Variants in PDE4D observed in about 807,000 individuals in gnomAD.
PDE4D encodes the protein 3',5'-cyclic-AMP phosphodiesterase 4D.
In PDE4D, 24 loss-of-function variants were observed where a neutral mutation model predicts 87.4. That is an observed-to-expected ratio of 0.27 (90% CI 0.20 to 0.39). The LOEUF is 0.39. Among genes scored for constraint, PDE4D ranks in the 10% least tolerant of loss-of-function variants. The pLI is 1.00. For missense variants in PDE4D, 714 were observed against 1,041.0 expected, an observed-to-expected ratio of 0.69 and a Z score of 4.32; for synonymous variants, 384 against 383.2, an observed-to-expected ratio of 1.00 and a Z score of -0.02.
chr5:59,341,022 T>A (rs181263543), intron 1 of PDE4D, among the ~76,000 whole-genome samples: 50 of 152,352 alleles, frequency 3.3e-4, no homozygotes, highest in African/African-American at 1.2e-3. Context: ...CATGTAATCA[T>A]TATGAAAATT....
chr5:59,222,961 C>A (rs1000398280), intron 1 of PDE4D, among the ~76,000 whole-genome samples: 1 of 152,088 alleles, frequency 6.6e-6, no homozygotes. Flanking sequence ...TCTTTTTCTC[C>A]CAGGGAGATC....
At chr5:60,108,685 G>T (rs942734025) in intron 2 of PDE4D, among the ~76,000 whole-genome samples, 1 of 152,046 alleles carries the variant, frequency 6.6e-6, no homozygotes, top group African/African-American at 2.4e-5. Flanking sequence ...GAACAGAACA[G>T]AGCCCTCAGA....
intron 2 of PDE4D, chr5:59,193,811 T>G: frequency 2.0e-6 from 2 of 984,948 alleles, no homozygotes; most frequent in Non-Finnish European, 2.4e-6. Context: ...TATGCAATAG[T>G]AGAAATGGTG....
intron 1 of PDE4D, among the ~76,000 whole-genome samples, chr5:59,266,535 AAG>A (rs1762888624): frequency 6.6e-6 from 1 of 151,916 alleles, no homozygotes; most frequent in Non-Finnish European, 1.5e-5. Flanking sequence ...TGACCAGAGG[AAG>A]AGAGTCAATA....
intron 1 of PDE4D, among the ~76,000 whole-genome samples, chr5:60,294,376 TG>T (rs1448099978): frequency 6.6e-6 from 1 of 152,206 alleles, no homozygotes; most frequent in African/African-American, 2.4e-5. Flanking sequence ...GTCCTGTTAG[TG>T]GCTCTCTTAC....
chr5:59,135,331 A>C (rs1776885964), intron 5 of PDE4D, among the ~76,000 whole-genome samples: 1 of 152,204 alleles, frequency 6.6e-6, no homozygotes, highest in Non-Finnish European at 1.5e-5. Context: ...GTAGTAGCAA[A>C]AGCTGTTTTC....
chr5:58,996,468 C>T (rs1749252436), intron 6 of PDE4D, among the ~76,000 whole-genome samples: 1 of 152,084 alleles, frequency 6.6e-6, no homozygotes, highest in Admixed American at 6.6e-5. Flanking sequence ...CTGGTCATGA[C>T]AAAGTCTTTT....
rs781165266 is a variant in PDE4D at position 60,431,084 on chromosome 5, G to A, written c.-90+56858C>T. On this transcript the variant is annotated intron_variant, in intron 1 of 16. Coordinates refer to the PDE4D transcript ENST00000502484. Reference sequence around the variant, plus strand: ...ACACCTCCCAGATGGGGTGGTGGCCGGGCAGAGGGGCTCCTCACTTCCCAG... The same window carrying A: ...ACACCTCCCAGATGGGGTGGTGGCCAGGCAGAGGGGCTCCTCACTTCCCAG... 3.2e-4 allele frequency: 76 copies of A among 239,842 alleles called. 1 individual carries two copies. Among genetic ancestry groups the A allele is most frequent in the Admixed American group, 2.2e-4 (4 of 18,376 alleles). The allele number at this position is 239,842 out of a possible 1,614,324, so 14.9% of individuals were successfully genotyped here.
chr5:59,292,919 A>G (rs1299230008), intron 1 of PDE4D, among the ~76,000 whole-genome samples: 1 of 152,122 alleles, frequency 6.6e-6, no homozygotes, highest in Non-Finnish European at 1.5e-5. Context: ...ATAGTGCCCT[A>G]TTTCCTGTAG....
intron 2 of PDE4D, among the ~76,000 whole-genome samples, chr5:60,167,261 AT>A (rs869272975): frequency 1.1e-5 from 1 of 90,870 alleles, no homozygotes; most frequent in African/African-American, 4.4e-5. Context: ...TGAACTGTGT[AT>A]TTTCTTTTTT....
At chr5:59,374,342 G>A (rs2153599736) in intron 1 of PDE4D, among the ~76,000 whole-genome samples, 1 of 152,126 alleles carries the variant, frequency 6.6e-6, no homozygotes, top group South Asian at 2.1e-4. Flanking sequence ...AATCTACCAA[G>A]CAAATGAAAA....
At chr5:59,179,679 A>C in intron 5 of PDE4D, 1 of 459,070 alleles carries the variant, frequency 2.2e-6, no homozygotes, top group African/African-American at 2.0e-5. Context: ...TGTACTCACT[A>C]ATAACTTAAT....
chr5:60,422,748 G>A (rs1376351458), intron 1 of PDE4D, among the ~76,000 whole-genome samples: 2 of 152,132 alleles, frequency 1.3e-5, no homozygotes, highest in South Asian at 2.1e-4. Flanking sequence ...ACACAGACTG[G>A]CAAATTGGAT....
chr5:59,440,475 T>C (rs775703825), intron 1 of PDE4D, among the ~76,000 whole-genome samples: 1 of 152,214 alleles, frequency 6.6e-6, no homozygotes, highest in Non-Finnish European at 1.5e-5. Context: ...CAAGCACTAT[T>C]CTAAGAATTT....
chr5:59,790,299 G>A (rs947223696), intron 1 of PDE4D, among the ~76,000 whole-genome samples: 2 of 152,080 alleles, frequency 1.3e-5, no homozygotes, highest in Non-Finnish European at 2.9e-5. Context: ...CTCTTATTTT[G>A]GAATTATTAA....
intron 1 of PDE4D, among the ~76,000 whole-genome samples, chr5:59,363,638 T>C (rs1782579364): frequency 1.3e-5 from 2 of 152,206 alleles, no homozygotes; most frequent in Non-Finnish European, 2.9e-5. Context: ...CACCACTTTA[T>C]AGATGAGAAA....
chr5:60,421,626 T>C (rs1282605257), intron 1 of PDE4D, among the ~76,000 whole-genome samples: 1 of 152,060 alleles, frequency 6.6e-6, no homozygotes, highest in African/African-American at 2.4e-5. Context: ...AAAACCAGAG[T>C]GCCTCTTCTC....
intron 1 of PDE4D, among the ~76,000 whole-genome samples, chr5:59,403,544 G>A (rs1025510553): frequency 6.6e-6 from 1 of 151,966 alleles, no homozygotes; most frequent in Non-Finnish European, 1.5e-5. Context: ...CCCTTAAATA[G>A]TGAGAATACG....
At chr5:59,370,434 C>A (rs1214669134) in intron 1 of PDE4D, among the ~76,000 whole-genome samples, 1 of 152,176 alleles carries the variant, frequency 6.6e-6, no homozygotes, top group East Asian at 1.9e-4. Context: ...AGGAGCTTTG[C>A]ACTTGCTATT....
Sources: allele counts gnomAD v4.1 joint callset (sites outside exome capture counted in the v4.1 genomes callset), GRCh38; gene constraint gnomAD v4.1.1; transcripts MANE v1.5; gene names NCBI Gene and HGNC (gene_info 2026-07-23, HGNC 2026-07-21).